The following TRPV3 variants were observed in gnomAD, a reference collection of about 807,000 sequenced individuals.
TRPV3 encodes transient receptor potential cation channel subfamily V member 3, also known as VRL-3.
In TRPV3, 88 loss-of-function variants were observed where a neutral mutation model predicts 87.1. The ratio of observed to expected loss-of-function variants is 1.01; its 90% CI spans 0.85 to 1.21. TRPV3 has a LOEUF of 1.21. Ranked by LOEUF, TRPV3 falls within the 50% of genes most tolerant of loss-of-function variation. The pLI is 0.00. For missense variants in TRPV3, 1,054 were observed against 1,030.1 expected, an observed-to-expected ratio of 1.02 and a Z score of -0.32; for synonymous variants, 438 against 423.3, an observed-to-expected ratio of 1.03 and a Z score of -0.43.
chr17:3,530,029 C>A lies in TRPV3; in HGVS notation c.1240G>T (p.Asp414Tyr). The A allele has an allele frequency of 6.2e-7, 1 of 1,611,428 alleles. No individual in the cohort carries two copies. Among genetic ancestry groups the A allele is most frequent in the Non-Finnish European group, 8.5e-7 (1 of 1,178,466 alleles). The change falls in exon 9 of 18, where the codon GAC becomes TAC. Residue 414 changes from aspartate to tyrosine, a missense_variant and splice_region_variant. Asp to Tyr is a radical substitution (Grantham distance 160). Transcript: ENST00000576742. This position sits in a 1 kb window ranked among gnomAD's most constrained non-coding sequence, Gnocchi z 4.0. The stretch of plus-strand genomic sequence containing the variant: ...CCCCGCCTGTGCAGGAGACCCACGT[C>A]GATGTTGGTGTTGTAGACAGTGATT... Reference protein sequence around the residue: ...LEITVYNTNIDNRHEMLTLEP... With the variant: ...LEITVYNTNIYNRHEMLTLEP...
Position 3,530,389 on chromosome 17 carries a change from C to G in TRPV3, c.1066-186G>C. 7.4e-6 allele frequency: 4 copies of G among 537,354 alleles called. No individual in the cohort carries two copies. The allele number at this position is 537,354 out of a possible 1,614,324, so 33.3% of individuals were successfully genotyped here. A position where few individuals can be genotyped will look rare whatever the true frequency, so the allele number is the denominator to read the frequency against. ...ATCTGTGGAATGCGCACAAAGCTTG[C>G]TGTTCCGCCCATCTCACTGGGGGTT... is the stretch of plus-strand genomic sequence containing the variant. On this transcript the variant is annotated intron_variant, in intron 8 of 17. Transcript: ENST00000576742. The surrounding 1 kb of genome is among the most constrained non-coding windows in gnomAD (Gnocchi z 4.0).
intron 8 of TRPV3, 38 bp downstream of exon 8, chr17:3,532,619 C>T: frequency 6.2e-7 from 1 of 1,606,664 alleles, no homozygotes; most frequent in Non-Finnish European, 8.5e-7. Context: ...ACCTCCTGAC[C>T]TCCCGACCTC....
chr17:3,526,377 C>T (rs2074299825), intron 12 of TRPV3, among the ~76,000 whole-genome samples: 1 of 152,032 alleles, frequency 6.6e-6, no homozygotes, highest in South Asian at 2.1e-4. Context: ...ACTCAGGAGG[C>T]TGAGGCAGGA....
At position 3,518,874 on chromosome 17, in the gene TRPV3, C is replaced by T. The variant is rs1313618248; in HGVS notation, c.1811-24G>A. On this transcript the variant is annotated intron_variant, in intron 14 of 17. Coordinates refer to ENST00000576742, the MANE Select transcript of TRPV3 (RefSeq NM_145068.4). This position sits in a 1 kb window ranked among gnomAD's most constrained non-coding sequence, Gnocchi z 4.3. ...GGCTAAGGGAACATAACAGGGTGCT[C>T]TCCTCAGCTCTCTGCCTGGTAATTA... 1 of 1,598,940 alleles carries T rather than the reference C, an allele frequency of 6.3e-7. No individual in the cohort carries two copies. The highest frequency in any genetic ancestry group is 1.7e-5 in the Admixed American group (1 of 59,168).
intron 7 of TRPV3, among the ~76,000 whole-genome samples, chr17:3,533,792 C>A (rs1279489069): frequency 6.6e-6 from 1 of 152,112 alleles, no homozygotes; most frequent in African/African-American, 2.4e-5. Flanking sequence ...TCACTGCACT[C>A]GGTCTACTTT....
chr17:3,522,557 C>T (rs1229354103), intron 13 of TRPV3, among the ~76,000 whole-genome samples: 1 of 150,260 alleles, frequency 6.7e-6, no homozygotes. Context: ...GTTGATTCCC[C>T]CCCCCACCCC....
intron 13 of TRPV3, among the ~76,000 whole-genome samples, chr17:3,522,648 C>T (rs1182381857): frequency 3.3e-5 from 5 of 150,850 alleles, no homozygotes; most frequent in African/African-American, 9.8e-5. Flanking sequence ...GGCGAAACCC[C>T]ATCTCTACTA....
At position 3,521,213 on chromosome 17, in the gene TRPV3, T is replaced by C. The variant is rs925101; in HGVS notation, c.1744-174A>G. On this transcript the variant is annotated intron_variant, in intron 13 of 17. Coordinates refer to ENST00000576742, the MANE Select transcript of TRPV3 (RefSeq NM_145068.4). ...TGCTCCAAGGCTCAACACTGGATCC[T>C]GCCTCCTCCAGGAAGCCTTCTGTTT... 0.4 allele frequency among the ~76,000 whole-genome samples: 58,625 copies of C among 148,012 alleles called. 12,471 individuals are homozygous for C. Among genetic ancestry groups the C allele is most frequent in the Non-Finnish European group, 0.48 (32,243 of 67,444 alleles).
intron 14 of TRPV3, among the ~76,000 whole-genome samples, chr17:3,519,322 G>C (rs561738117): frequency 4.8e-4 from 67 of 140,380 alleles, no homozygotes; most frequent in African/African-American, 1.8e-3. Flanking sequence ...ACTGCTGAAT[G>C]GTTGGATGGA....
At chr17:3,519,421 ATTGG>A (rs2074214334) in intron 14 of TRPV3, among the ~76,000 whole-genome samples, 2 of 46,504 alleles carry the variant, frequency 4.3e-5, no homozygotes, top group African/African-American at 1.2e-4. Context: ...TGGATGGATG[ATTGG>A]ATGGATGGAT....
intron 5 of TRPV3, 28 bp downstream of exon 5, chr17:3,543,445 TG>T (rs765364815): frequency 6.2e-7 from 1 of 1,610,242 alleles, no homozygotes; most frequent in Non-Finnish European, 8.5e-7. Context: ...CCCCCAGCCC[TG>T]CACCCTCTGC....
intron 12 of TRPV3, among the ~76,000 whole-genome samples, chr17:3,525,093 C>T (rs1277937987): frequency 2.0e-5 from 3 of 152,186 alleles, no homozygotes; most frequent in Non-Finnish European, 4.4e-5. Flanking sequence ...GAACTCTGCT[C>T]ACTGCAACCT....
intron 16 of TRPV3, among the ~76,000 whole-genome samples, chr17:3,515,274 G>C (rs528564933): frequency 4.4e-4 from 67 of 152,338 alleles, no homozygotes; most frequent in Non-Finnish European, 7.9e-4. Flanking sequence ...GTTTCAGTCA[G>C]AGAAGTGGGT....
At chr17:3,529,771 A>C (rs938624258) in intron 9 of TRPV3, among the ~76,000 whole-genome samples, 1 of 150,410 alleles carries the variant, frequency 6.6e-6, no homozygotes, top group African/African-American at 2.5e-5. Context: ...TCGGTCCAGA[A>C]GACCTCCCGC....
intron 7 of TRPV3, among the ~76,000 whole-genome samples, chr17:3,534,907 T>C (rs1052776375): frequency 6.6e-6 from 1 of 152,050 alleles, no homozygotes; most frequent in Non-Finnish European, 1.5e-5. Context: ...CAGGTCTCTG[T>C]TCCCTCAGAG....
In TRPV3 at chr17:3,510,578, T is replaced by C. The variant is rs1189221974; in HGVS notation, c.*3339A>G. ...GGCACAAACATGTTCTTACTCTTTG[T>C]ATGATTTCTTTCTTGAACATAGAGT... On this transcript the variant is annotated 3_prime_UTR_variant, in exon 18 of 18. Transcript: ENST00000576742. 1 of 152,254 alleles carries C rather than the reference T, an allele frequency of 6.6e-6. No homozygotes were observed. 9.4% of individuals were successfully genotyped at this position (152,254 alleles called of 1,614,324 possible). A position where few individuals can be genotyped will look rare whatever the true frequency, so the allele number is the denominator to read the frequency against.
At position 3,518,725 on chromosome 17, in the gene TRPV3, G is replaced by C; in HGVS notation, c.1936C>G (p.Gln646Glu). 2 of 1,613,472 alleles carry C rather than the reference G, an allele frequency of 1.2e-6. No homozygotes were observed. Among genetic ancestry groups the C allele is most frequent in the Non-Finnish European group, 1.7e-6 (2 of 1,179,778 alleles). ...AAGAGAATGGGATACTTGGAGTTCT[G>C]CTGGATGTTCAGGTCACCCAGGCCT... ...TIGLGDLNIQ[Q>E]NSKYPILFLF... Residue 646 changes from glutamine (Q) to glutamate (E), a missense_variant, in exon 15 of 18, where the codon CAG (glutamine) becomes GAG (glutamate). Transcript: ENST00000576742. This position sits in a 1 kb window ranked among gnomAD's most constrained non-coding sequence, Gnocchi z 4.3.
At position 3,535,851 on chromosome 17, in the gene TRPV3, C is replaced by T. The variant is rs192805786; in HGVS notation, c.644-138G>A. On this transcript the variant is annotated intron_variant, in intron 6 of 17. Coordinates refer to ENST00000576742, the MANE Select transcript of TRPV3 (RefSeq NM_145068.4). ...GTCTGTGTCGCCAGCTACCAGGAATCCCAGCTTTGTTCTTTGCTTCCTTCA... is the reference window on the plus strand; with the variant it reads ...GTCTGTGTCGCCAGCTACCAGGAATTCCAGCTTTGTTCTTTGCTTCCTTCA... 7,359 of 1,105,494 alleles carry T rather than the reference C, an allele frequency of 6.7e-3. 40 individuals carry two copies. The highest frequency in any genetic ancestry group is 7.6e-3 in the Non-Finnish European group (6,452 of 843,592). 68.5% of individuals were successfully genotyped at this position (1,105,494 alleles called of 1,614,324 possible).
intron 15 of TRPV3, among the ~76,000 whole-genome samples, chr17:3,517,756 T>G (rs1006358220): frequency 6.6e-6 from 1 of 151,356 alleles, no homozygotes; most frequent in African/African-American, 2.4e-5. Context: ...CCCTCTTTCA[T>G]AGGTTGTTCT....
Sources: allele counts gnomAD v4.1 joint callset (sites outside exome capture counted in the v4.1 genomes callset), GRCh38; gene constraint gnomAD v4.1.1; non-coding constraint Gnocchi (gnomAD v3.1); transcripts MANE v1.5; gene names NCBI Gene and HGNC (gene_info 2026-07-23, HGNC 2026-07-21).